LARGE1: variants seen among roughly 807,000 people sequenced by gnomAD.
LARGE1 encodes the protein LARGE xylosyl- and glucuronyltransferase 1, also known as xylosyl- and glucuronyltransferase LARGE1.
Under a neutral mutation model 87.6 loss-of-function variants are expected in LARGE1, and 43 were observed. That is an observed-to-expected ratio of 0.49 (90% CI 0.38 to 0.63). The LOEUF is 0.63. Among genes scored for constraint, LARGE1 ranks in the 30% least tolerant of loss-of-function variants. The pLI is 0.00. For synonymous variants in LARGE1, 434 were observed against 394.6 expected (o/e 1.10, Z -1.18); for missense variants, 802 against 1,000.2 (o/e 0.80, Z 2.67).
chr22:33,642,710 CAAAAAAAAAA>C (rs60815644), intron 3 of LARGE1, among the ~76,000 whole-genome samples: 5 of 17,344 alleles, frequency 2.9e-4, no homozygotes, highest in Admixed American at 9.6e-4. Flanking sequence ...AAATGGAAAG[CAAAAAAAAAA>C]AAAAAAAAAA....
At chr22:33,781,518 G>A (rs151037814) in intron 1 of LARGE1, among the ~76,000 whole-genome samples, 127 of 152,188 alleles carry the variant, frequency 8.3e-4, no homozygotes, top group African/African-American at 2.9e-3. Flanking sequence ...AATTCACACT[G>A]ACGTGTTCCA....
intron 2 of LARGE1, chr22:33,743,912 T>C (rs1177833446): frequency 6.6e-6 from 1 of 152,182 alleles, no homozygotes; most frequent in Non-Finnish European, 1.5e-5. Flanking sequence ...TTGTGGAGAT[T>C]CAATGAGAAA....
At chr22:33,636,678 C>T (rs749452849) in intron 3 of LARGE1, among the ~76,000 whole-genome samples, 1 of 152,106 alleles carries the variant, frequency 6.6e-6, no homozygotes, top group Non-Finnish European at 1.5e-5. Context: ...CAGGTGTTCT[C>T]CACCATGCCC....
intron 6 of LARGE1, among the ~76,000 whole-genome samples, chr22:33,503,041 G>A (rs2070554481): frequency 6.6e-6 from 1 of 152,174 alleles, no homozygotes; most frequent in South Asian, 2.1e-4. Context: ...TTCGAATCAG[G>A]TATGCTTCAG....
chr22:33,384,547 G>A (rs1445099304), intron 7 of LARGE1, among the ~76,000 whole-genome samples: 1 of 132,356 alleles, frequency 7.6e-6, no homozygotes. Flanking sequence ...CCAGTTACTC[G>A]ATAGGAGACA....
At chr22:33,806,111 A>T (rs1002658553) in intron 1 of LARGE1, among the ~76,000 whole-genome samples, 1 of 146,886 alleles carries the variant, frequency 6.8e-6, no homozygotes, top group Non-Finnish European at 1.5e-5. Flanking sequence ...CCTCCCTCCC[A>T]GCCCCTGGTA....
chr22:33,748,159 G>C (rs115785661), intron 2 of LARGE1, among the ~76,000 whole-genome samples: 1 of 141,904 alleles, frequency 7.0e-6, no homozygotes, highest in Non-Finnish European at 1.5e-5. Context: ...TTTAGACAGA[G>C]TCTCAGTCTG....
At chr22:33,432,332 G>A in intron 6 of LARGE1, 67 bp from the exon 7 acceptor site, 1 of 1,172,012 alleles carries the variant, frequency 8.5e-7, no homozygotes, top group East Asian at 2.4e-5. Context: ...AGTGACTATT[G>A]AAGACACAGG....
At chr22:33,815,270 G>A (rs149475539) in intron 1 of LARGE1, among the ~76,000 whole-genome samples, 76 of 152,214 alleles carry the variant, frequency 5.0e-4, no homozygotes, top group African/African-American at 1.7e-3. Flanking sequence ...AACTTCCTCC[G>A]GTCCTCATCA....
intron 11 of LARGE1, among the ~76,000 whole-genome samples, chr22:33,182,935 C>T (rs999351212): frequency 3.3e-5 from 5 of 152,116 alleles, no homozygotes; most frequent in Non-Finnish European, 5.9e-5. Context: ...ACCAAGGGCA[C>T]AGGCAACAAA....
At chr22:33,556,526 G>GGGAGGGAGGGAA (rs1281596215) in intron 6 of LARGE1, among the ~76,000 whole-genome samples, 2 of 83,194 alleles carry the variant, frequency 2.4e-5, no homozygotes, top group Non-Finnish European at 5.4e-5. Context: ...AAGGGAGGGA[G>GGGAGGGAGGGAA]GGAGGGAGGG....
At chr22:33,477,999 C>A (rs57825717) in intron 6 of LARGE1, among the ~76,000 whole-genome samples, 16 of 152,194 alleles carry the variant, frequency 1.1e-4, no homozygotes, top group Non-Finnish European at 2.4e-4. Flanking sequence ...AACTCAATGG[C>A]TCTTTCCTCT....
the LARGE1 span, among the ~76,000 whole-genome samples, chr22:33,089,156 C>T: frequency 6.6e-6 from 1 of 152,212 alleles, no homozygotes; most frequent in Non-Finnish European, 1.5e-5. Context: ...TTCTTCAGAA[C>T]AGAGTATCTG....
intron 6 of LARGE1, among the ~76,000 whole-genome samples, chr22:33,550,387 C>T (rs1220775609): frequency 6.6e-6 from 1 of 152,104 alleles, no homozygotes; most frequent in Non-Finnish European, 1.5e-5. Context: ...TTTGGCAACG[C>T]CTAGAGATAT....
intron 1 of LARGE1, among the ~76,000 whole-genome samples, chr22:33,909,064 C>G (rs1017052029): frequency 3.3e-5 from 5 of 152,118 alleles, no homozygotes; most frequent in African/African-American, 9.7e-5. Context: ...AACAAACCCC[C>G]AATAAGAGAG....
intron 1 of LARGE1, among the ~76,000 whole-genome samples, chr22:33,786,822 C>A (rs570650246): frequency 2.0e-5 from 3 of 152,240 alleles, no homozygotes; most frequent in Admixed American, 2.0e-4. Flanking sequence ...GAGTTCGAGA[C>A]CAGCCTGGCC....
chr22:33,626,196 G>A (rs957898665), intron 4 of LARGE1, 48 bp downstream of exon 4: 59 of 1,496,910 alleles, frequency 3.9e-5, no homozygotes, highest in Non-Finnish European at 4.9e-5. Flanking sequence ...AAATACACAG[G>A]CAGGCAGTGA....
At chr22:33,698,975 C>A (rs575366982) in intron 2 of LARGE1, among the ~76,000 whole-genome samples, 1 of 152,174 alleles carries the variant, frequency 6.6e-6, no homozygotes, top group Non-Finnish European at 1.5e-5. Context: ...GCACATAGCA[C>A]GAACTCCATA....
intron 11 of LARGE1, among the ~76,000 whole-genome samples, chr22:33,203,932 A>G (rs898455270): frequency 6.6e-6 from 1 of 152,132 alleles, no homozygotes; most frequent in African/African-American, 2.4e-5. Flanking sequence ...CAACATTTCC[A>G]TACTTTTCTC....
Sources: allele counts gnomAD v4.1 joint callset (sites outside exome capture counted in the v4.1 genomes callset), GRCh38; gene constraint gnomAD v4.1.1; transcripts MANE v1.5; gene names NCBI Gene and HGNC (gene_info 2026-07-23, HGNC 2026-07-21).